The following LCORL variants were observed in gnomAD, a reference collection of about 807,000 sequenced individuals.
LCORL encodes ligand dependent nuclear receptor corepressor like, also known as ligand-dependent nuclear receptor corepressor-like protein.
In LCORL, 41 loss-of-function variants were observed where a neutral mutation model predicts 141.8. That is an observed-to-expected ratio of 0.29 (90% CI 0.23 to 0.38). The LOEUF (loss-of-function observed/expected upper bound fraction) is 0.38. LCORL is among the 10% of genes least tolerant of loss of function. The pLI, the probability that LCORL is intolerant of heterozygous loss-of-function variation, is 1.00. For missense variants in LCORL, 1,759 were observed against 2,035.0 expected (o/e 0.86, Z 2.61); for synonymous variants, 618 against 694.1 (o/e 0.89, Z 1.72).
chr4:17,939,017 T>TAA lies in LCORL; in HGVS notation c.430+22884_430+22885dup, dbSNP rs1195743987. The stretch of plus-strand genomic sequence containing the variant: ...AGGCTAAAGCATTATTCAACAAACA[T>TAA]AAAACATTAGTAATTATCTGACAAA... On this transcript the variant is annotated intron_variant, in intron 4 of 7. Transcript: ENST00000635767. 2.6e-5 allele frequency among the ~76,000 whole-genome samples: 4 copies of TAA among 152,156 alleles called. No individual in the cohort carries two copies. The South Asian group carries it at 6.2e-4, about 24-fold the overall frequency.
At chr4:17,937,524 A>G (rs542502390) in intron 4 of LCORL, among the ~76,000 whole-genome samples, 1 of 152,332 alleles carries the variant, frequency 6.6e-6, no homozygotes, top group South Asian at 2.1e-4. Flanking sequence ...ATTTTTCACT[A>G]ATAATTTCAT....
chr4:17,951,900 TG>T (rs1350881409), intron 4 of LCORL, among the ~76,000 whole-genome samples: 1 of 152,096 alleles, frequency 6.6e-6, no homozygotes, highest in Non-Finnish European at 1.5e-5. Flanking sequence ...AAGTCACAAT[TG>T]GGGAAAAGAA....
intron 7 of LCORL, among the ~76,000 whole-genome samples, chr4:17,870,030 T>C (rs1726148762): frequency 6.6e-6 from 1 of 152,202 alleles, no homozygotes; most frequent in Non-Finnish European, 1.5e-5. Context: ...GACCTCACAA[T>C]ATGGGCTATG....
rs144568582 is a variant in LCORL, at chr4:17,982,956, G to A, written c.155-10071C>T. Among the ~76,000 whole-genome samples, 5 of 152,304 alleles carry A rather than the reference G, an allele frequency of 3.3e-5. No individual in the cohort carries two copies. The East Asian group carries it at 9.6e-4, about 29-fold the overall frequency. ...TAATTTTTGTATAAGGTATAAGGAA[G>A]GGGTCTAGTTTCAATTTTCTGCACA... is the stretch of plus-strand genomic sequence containing the variant. On this transcript the variant is annotated intron_variant, in intron 1 of 7. Coordinates refer to ENST00000635767, the Ensembl canonical transcript of LCORL.
chr4:17,904,140 A>T (rs1202466367), intron 5 of LCORL, among the ~76,000 whole-genome samples: 1 of 152,034 alleles, frequency 6.6e-6, no homozygotes, highest in Non-Finnish European at 1.5e-5. Context: ...ATACTTATTC[A>T]CTCAGAGGCT....
intron 4 of LCORL, among the ~76,000 whole-genome samples, chr4:17,942,368 G>A (rs565671276): frequency 6.6e-6 from 1 of 151,976 alleles, no homozygotes; most frequent in Admixed American, 6.6e-5. Flanking sequence ...GTAAACTGAG[G>A]AATTAGGCTT....
exon 8 of LCORL, chr4:17,842,094 A>G (rs1348572630): frequency 2.1e-6 from 1 of 479,660 alleles, no homozygotes; most frequent in Non-Finnish European, 3.8e-6. Flanking sequence ...CTTACTCATT[A>G]TTAGTGCTTA....
chr4:17,874,831 T>C (rs963723512), exon 7 of LCORL: 2 of 1,233,702 alleles, frequency 1.6e-6, no homozygotes, highest in African/African-American at 3.1e-5. Context: ...TTTCTTGGGG[T>C]ATCTTTGTAA....
chr4:18,003,327 A>C (rs1319806785), intron 1 of LCORL, among the ~76,000 whole-genome samples: 1 of 152,242 alleles, frequency 6.6e-6, no homozygotes, highest in African/African-American at 2.4e-5. Flanking sequence ...GTGAAAATAA[A>C]GGGAAATGAA....
intron 7 of LCORL, among the ~76,000 whole-genome samples, chr4:17,868,375 G>T (rs1280992779): frequency 1.3e-5 from 2 of 151,942 alleles, no homozygotes; most frequent in Non-Finnish European, 2.9e-5. Context: ...AAATTTTTAT[G>T]GGAAAATTTA....
At chr4:17,948,998 T>C (rs1739314391) in intron 4 of LCORL, among the ~76,000 whole-genome samples, 1 of 152,010 alleles carries the variant, frequency 6.6e-6, no homozygotes, top group South Asian at 2.1e-4. Flanking sequence ...ATTAAGGGGT[T>C]TAACAGATAT....
At chr4:17,972,871 A>G (rs1183619881) in exon 2 of LCORL, 1 of 1,428,672 alleles carries the variant, frequency 7.0e-7, no homozygotes, top group Non-Finnish European at 9.2e-7. Context: ...AGCCCTTCTA[A>G]AATACTCTCA....
At chr4:17,999,708 AT>A (rs1721609406) in intron 1 of LCORL, among the ~76,000 whole-genome samples, 1 of 152,206 alleles carries the variant, frequency 6.6e-6, no homozygotes, top group Non-Finnish European at 1.5e-5. Flanking sequence ...TTCAGCGACA[AT>A]TTGGTAAGAA....
intron 1 of LCORL, among the ~76,000 whole-genome samples, chr4:17,993,447 C>T (rs528768080): frequency 6.6e-6 from 1 of 152,170 alleles, no homozygotes; most frequent in Admixed American, 6.5e-5. Context: ...TCAAGTGATC[C>T]TCCCGCCTCA....
Position 18,021,799 on chromosome 4 carries a change from A to ACGAGGCAGGGGCG in LCORL, c.-61_-49dup. 1 of 1,438,796 alleles carries ACGAGGCAGGGGCG rather than the reference A, an allele frequency of 7.0e-7. No individual in the cohort carries two copies. The highest frequency in any genetic ancestry group is 9.0e-7 in the Non-Finnish European group (1 of 1,104,984). 89.1% of individuals were successfully genotyped at this position (1,438,796 alleles called of 1,614,324 possible). On this transcript the variant is annotated 5_prime_UTR_variant, in exon 1 of 8. Transcript: ENST00000635767. The surrounding 1 kb of genome is among the most constrained non-coding windows in gnomAD (Gnocchi z 5.5). ...TCATTTACATACGAGCAGCGCAGGC[A>ACGAGGCAGGGGCG]CGAGGCAGGGGCGCGAGCCCTCGGC... is the stretch of plus-strand genomic sequence containing the variant.
At chr4:17,886,255 C>T in intron 5 of LCORL, 94 bp from the exon 6 acceptor site, 1 of 727,298 alleles carries the variant, frequency 1.4e-6, no homozygotes, top group Non-Finnish European at 2.4e-6. Flanking sequence ...TAATTCATAA[C>T]ACTAGTATTT....
intron 5 of LCORL, among the ~76,000 whole-genome samples, chr4:17,902,354 T>C (rs536318204): frequency 7.2e-5 from 11 of 152,296 alleles, no homozygotes; most frequent in Admixed American, 1.3e-4. Flanking sequence ...CATAACCATC[T>C]AGACATATGT....
At chr4:17,953,482 A>T (rs1276034123) in intron 4 of LCORL, among the ~76,000 whole-genome samples, 1 of 152,188 alleles carries the variant, frequency 6.6e-6, no homozygotes, top group Non-Finnish European at 1.5e-5. Flanking sequence ...TAATGACTAA[A>T]CATTTCTGAA....
intron 7 of LCORL, among the ~76,000 whole-genome samples, chr4:17,850,841 C>A (rs1015220957): frequency 6.6e-5 from 10 of 151,606 alleles, no homozygotes; most frequent in African/African-American, 2.4e-4. Context: ...ATGTTTATTG[C>A]GGCACTATTC....
Sources: gnomAD v4.1 joint callset for allele counts (sites outside exome capture counted in the v4.1 genomes callset) on GRCh38, gnomAD v4.1.1 for gene constraint, Gnocchi (gnomAD v3.1) non-coding constraint, MANE v1.5 for transcripts, NCBI Gene and HGNC (gene_info 2026-07-23, HGNC 2026-07-21) for gene names.